AHNAK2: variants seen among roughly 807,000 people sequenced by gnomAD.
AHNAK2 encodes the protein AHNAK nucleoprotein 2.
In AHNAK2, 18 loss-of-function variants were observed where a neutral mutation model predicts 30.7. The observed-to-expected ratio is 0.59, with a 90% CI of 0.41 to 0.87. The LOEUF (loss-of-function observed/expected upper bound fraction) is 0.87, where lower values mean the gene tolerates loss of function less well. Ranked by LOEUF, AHNAK2 falls within the 40% of genes least tolerant of loss-of-function variation. The probability of loss-of-function intolerance (pLI) is 0.00; values close to 1 mark genes in which losing one functional copy is unlikely to be tolerated. For missense variants in AHNAK2, 8,604 were observed against 7,373.0 expected (o/e 1.17, Z -6.11); for synonymous variants, 3,590 against 3,073.8 (o/e 1.17, Z -5.56).
intron 1 of AHNAK2, among the ~76,000 whole-genome samples, chr14:104,958,139 T>C (rs968783998): frequency 6.6e-6 from 1 of 152,218 alleles, no homozygotes; most frequent in Non-Finnish European, 1.5e-5. Flanking sequence ...TAATACAGAC[T>C]TCAAAGAAAC....
At chr14:104,964,147 A>G (rs1899234379) in intron 1 of AHNAK2, among the ~76,000 whole-genome samples, 1 of 152,232 alleles carries the variant, frequency 6.6e-6, no homozygotes, top group Admixed American at 6.5e-5. Flanking sequence ...GCAAACCAAA[A>G]GACAAACAAC....
Position 104,955,594 on chromosome 14 carries a change from C to T in AHNAK2, c.355G>A (p.Val119Met), listed in dbSNP as rs1382594026. 2 of 1,613,714 alleles carry T rather than the reference C, an allele frequency of 1.2e-6. No individual in the cohort carries two copies. The highest frequency in any genetic ancestry group is 1.7e-6 in the Non-Finnish European group (2 of 1,179,816). The change falls in exon 5 of 7, where the codon GTG becomes ATG. Residue 119 changes from valine (V) to methionine (M), a missense_variant. Val to Met is a conservative substitution (Grantham distance 21). Transcript: ENST00000333244. ...EATEVTLKTE[V>M]EAGASGYSVT... ...CTGTAGCCACTGGCTCCTGCCTCCA[C>T]CTCTGTCTTCAGCGTCACCTCTGTT... is the stretch of plus-strand genomic sequence containing the variant.
Position 104,939,866 on chromosome 14 carries a change from G to T in AHNAK2, c.15585C>A (p.Phe5195Leu). 6.2e-7 allele frequency: 1 copy of T among 1,613,670 alleles called. No individual in the cohort carries two copies. The highest frequency in any genetic ancestry group is 8.5e-7 in the Non-Finnish European group (1 of 1,179,834). ...SQESWFKMPK[F>L]RMPSLRRSFR... Reference sequence around the variant, plus strand: ...AAGAGCGCCTAAGGCTGGGCATGCGGAACTTGGGCATTTTAAACCAGCTTT... The same window carrying T: ...AAGAGCGCCTAAGGCTGGGCATGCGTAACTTGGGCATTTTAAACCAGCTTT... The change falls in exon 7 of 7, where the codon TTC (phenylalanine) becomes TTA (leucine). Residue 5195 changes from phenylalanine (F) to leucine (L), a missense_variant. Physicochemically the swap from Phe to Leu is conservative, Grantham distance 22. Transcript: ENST00000333244.
chr14:104,950,426 CTTGCCT>C lies in AHNAK2; in HGVS notation c.5019_5024del (p.Gly1674_Lys1675del). ...ACACATCCACCGAGGCCTCGATGGACTTGCCTGGGGCCGACACCCCAAATGATGGCA... is the reference window on the plus strand; with the variant it reads ...ACACATCCACCGAGGCCTCGATGGACGGGGCCGACACCCCAAATGATGGCA... On this transcript the variant is annotated inframe_deletion, in exon 7 of 7. Transcript: ENST00000333244. The C allele has an allele frequency of 6.3e-7, 1 of 1,587,212 alleles. No individual in the cohort carries two copies. Among genetic ancestry groups the C allele is most frequent in the Non-Finnish European group, 8.6e-7 (1 of 1,163,062 alleles).
At chr14:104,973,854 C>T (rs1331550840) in intron 1 of AHNAK2, among the ~76,000 whole-genome samples, 4 of 152,196 alleles carry the variant, frequency 2.6e-5, no homozygotes, top group African/African-American at 7.2e-5. Context: ...GGTCCGAGTG[C>T]GCAGCAGAGC....
Position 104,950,896 on chromosome 14 carries a change from A to T in AHNAK2, c.4555T>A (p.Ser1519Thr), listed in dbSNP as rs147161233. The change falls in exon 7 of 7, where the codon TCT becomes ACT. Residue 1519 changes from serine to threonine, a missense_variant. Transcript: ENST00000333244. The stretch of plus-strand genomic sequence containing the variant: ...ACGTCGGCCTCCACCTTCGGCGCAG[A>T]CACATCCACTGAGGCCTCGATGGAC... Reference protein sequence around the residue: ...GKSIEASVDVSAPKVEADVSL... With the variant: ...GKSIEASVDVTAPKVEADVSL... 2,089 of 1,561,234 alleles carry T rather than the reference A, an allele frequency of 1.3e-3. 142 individuals carry two copies. In the African/African-American group the frequency reaches 0.023, roughly 17 times the overall value.
At position 104,939,860 on chromosome 14, in the gene AHNAK2, C is replaced by T. The variant is rs1458018610; in HGVS notation, c.15591G>A (p.Met5197Ile). The T allele has an allele frequency of 6.2e-7, 1 of 1,613,818 alleles. No homozygotes were observed. Among genetic ancestry groups the T allele is most frequent in the Non-Finnish European group, 8.5e-7 (1 of 1,179,898 alleles). Residue 5197 changes from methionine to isoleucine, a missense_variant, in exon 7 of 7, where the codon ATG (methionine) becomes ATA (isoleucine). Met to Ile is a conservative substitution (Grantham distance 10). Coordinates refer to ENST00000333244, the MANE Select transcript of AHNAK2 (RefSeq NM_138420.4). ...CCCTGAAAGAGCGCCTAAGGCTGGGCATGCGGAACTTGGGCATTTTAAACC... is the reference window on the plus strand; with the variant it reads ...CCCTGAAAGAGCGCCTAAGGCTGGGTATGCGGAACTTGGGCATTTTAAACC... ...ESWFKMPKFR[M>I]PSLRRSFRDR...
intron 1 of AHNAK2, among the ~76,000 whole-genome samples, chr14:104,977,677 G>C (rs1383433358): frequency 6.6e-6 from 1 of 152,172 alleles, no homozygotes; most frequent in Admixed American, 6.5e-5. Context: ...TCCTGGACCA[G>C]CCTGGCTGCT....
chr14:104,960,034 A>T (rs1899091856), intron 1 of AHNAK2, among the ~76,000 whole-genome samples: 1 of 152,246 alleles, frequency 6.6e-6, no homozygotes, highest in Non-Finnish European at 1.5e-5. Flanking sequence ...GATTATAGAT[A>T]ATATGTAAAT....
At chr14:104,957,849 G>A (rs995849051) in intron 1 of AHNAK2, among the ~76,000 whole-genome samples, 177 bp from the exon 2 acceptor site, 2 of 152,188 alleles carry the variant, frequency 1.3e-5, no homozygotes, top group East Asian at 1.9e-4. Flanking sequence ...GGCTGGAGAG[G>A]CTGAGGCATC....
At chr14:104,968,558 G>A (rs1461089186) in intron 1 of AHNAK2, among the ~76,000 whole-genome samples, 3 of 152,210 alleles carry the variant, frequency 2.0e-5, no homozygotes, top group Admixed American at 2.0e-4. Context: ...CAGGTCCGTG[G>A]GGGGAGGAGG....
rs185956574 is a variant in AHNAK2 at position 104,938,822 on chromosome 14, C to T, written c.16629G>A (p.Arg5543=). Residue 5543 remains arginine (R), a synonymous_variant, in exon 7 of 7, where the codon AGG becomes AGA. Transcript: ENST00000333244. The stretch of plus-strand genomic sequence containing the variant: ...GAGCCTCTTCTGTGCCCTCCTGAGT[C>T]CTAGAGTGTTGAGTCATTGTTGTGT... The part of the protein sequence containing the change: ...RVYTTMTQHS[R]TQEGTEEAPI... The T allele has an allele frequency of 4.4e-4, 704 of 1,613,894 alleles. 2 individuals are homozygous for T. In the African/African-American group the frequency reaches 8.5e-3, roughly 20 times the overall value.
chr14:104,961,329 A>C (rs1391481230), intron 1 of AHNAK2, among the ~76,000 whole-genome samples: 1 of 152,018 alleles, frequency 6.6e-6, no homozygotes, highest in Non-Finnish European at 1.5e-5. Flanking sequence ...CCTGGCTAAC[A>C]CAGTGAAACC....
Position 104,947,031 on chromosome 14 carries a change from G to T in AHNAK2, c.8420C>A (p.Thr2807Lys). Residue 2807 changes from threonine (T) to lysine (K), a missense_variant, in exon 7 of 7, where the codon ACA becomes AAA. By Grantham distance (78) the Thr-to-Lys change is moderately conservative. Coordinates refer to ENST00000333244, the MANE Select transcript of AHNAK2 (RefSeq NM_138420.4). ...GDLSLADKGM[T>K]AKDSKFKMPK... ...CATTTTGAACTTGCTGTCTTTGGCT[G>T]TCATGCCCTTGTCGGCCAGGGACAG... The T allele has an allele frequency of 6.2e-7, 1 of 1,612,544 alleles. No individual in the cohort carries two copies.
chr14:104,945,182 G>C lies in AHNAK2; in HGVS notation c.10269C>G (p.Pro3423=), dbSNP rs762121432. 5.6e-6 allele frequency: 9 copies of C among 1,612,882 alleles called. No individual in the cohort carries two copies. The African/African-American group carries it at 1.2e-4, about 22-fold the overall frequency. Residue 3423 remains proline, a synonymous_variant, in exon 7 of 7, where the codon CCC becomes CCG. Coordinates refer to ENST00000333244, the MANE Select transcript of AHNAK2 (RefSeq NM_138420.4). ...CATCAGGGACTGTCACTTCCGCCTTGGGGACTTTTAGGTCCAGCTTGGGGC... is the reference window on the plus strand; with the variant it reads ...CATCAGGGACTGTCACTTCCGCCTTCGGGACTTTTAGGTCCAGCTTGGGGC... ...IKGPKLDLKV[P]KAEVTVPDVE...
Position 104,947,720 on chromosome 14 carries a change from A to T in AHNAK2, c.7731T>A (p.Pro2577=). 6.2e-7 allele frequency: 1 copy of T among 1,609,324 alleles called. No individual in the cohort carries two copies. Among genetic ancestry groups the T allele is most frequent in the Non-Finnish European group, 8.5e-7 (1 of 1,178,502 alleles). ...PKVQMPSFKM[P]EMDLKGPQLD... is the part of the protein sequence containing the mutation. The stretch of plus-strand genomic sequence containing the variant: ...GCTGGGGGCCCTTGAGGTCCATTTC[A>T]GGCATCTTGAAACTGGGCATCTGCA... The change falls in exon 7 of 7, where the codon CCT becomes CCA. Residue 2577 remains proline (P), a synonymous_variant. Coordinates refer to ENST00000333244, the MANE Select transcript of AHNAK2 (RefSeq NM_138420.4).
rs1898397442 is a variant in AHNAK2, at chr14:104,948,000, T to C, written c.7451A>G (p.Lys2484Arg). ...TGACGGCATCTTGAACTTGGGAATT[T>C]TGAACCTGCTGTCTTTGGTAGTCAC... ...KDVTTKDSRF[K>R]IPKFKMPSFG... is the part of the protein sequence containing the mutation. The change falls in exon 7 of 7, where the codon AAA (lysine) becomes AGA (arginine). Residue 2484 changes from lysine (K) to arginine (R), a missense_variant. Lys to Arg is a conservative substitution (Grantham distance 26). Transcript: ENST00000333244. 1 of 1,612,154 alleles carries C rather than the reference T, an allele frequency of 6.2e-7. No individual in the cohort carries two copies. The highest frequency in any genetic ancestry group is 1.3e-5 in the African/African-American group (1 of 74,102).
chr14:104,944,867 A>G lies in AHNAK2; in HGVS notation c.10584T>C (p.Ala3528=), dbSNP rs776137772. Residue 3528 remains alanine (A), a synonymous_variant, in exon 7 of 7, where the codon GCT becomes GCC. Transcript: ENST00000333244. ...ATDLSIQPPS[A]DLEVQAVQVD... is the part of the protein sequence containing the mutation. ...CTTGGACAGCCTGGACCTCCAGGTC[A>G]GCGGAAGGGGGCTGAATGCTGAGGT... is the stretch of plus-strand genomic sequence containing the variant. The G allele has an allele frequency of 1.4e-5, 23 of 1,607,644 alleles. No individual in the cohort carries two copies. Among genetic ancestry groups the G allele is most frequent in the Admixed American group, 6.7e-5 (4 of 59,406 alleles).
At position 104,950,007 on chromosome 14, in the gene AHNAK2, T is replaced by G. The variant is rs368838079; in HGVS notation, c.5444A>C (p.Asp1815Ala). The G allele has an allele frequency of 2.8e-4, 448 of 1,585,250 alleles. 36 individuals are homozygous for G. The African/African-American group carries it at 5.4e-3, about 19-fold the overall frequency. ...GAACTTGCTGTCTTTGGCAGTCACA[T>G]CCTTGTCGGCCAGGGACAGGTCACC... ...LEGDLSLADK[D>A]VTAKDSKFKM... The change falls in exon 7 of 7, where the codon GAT becomes GCT. Residue 1815 changes from aspartate (D) to alanine (A), a missense_variant. Coordinates refer to ENST00000333244, the MANE Select transcript of AHNAK2 (RefSeq NM_138420.4).
Sources: allele counts gnomAD v4.1 joint callset (sites outside exome capture counted in the v4.1 genomes callset), GRCh38; gene constraint gnomAD v4.1.1; transcripts MANE v1.5; gene names NCBI Gene and HGNC (gene_info 2026-07-23, HGNC 2026-07-21).